Variants in ICA1L observed in about 807,000 individuals in gnomAD.
ICA1L encodes islet cell autoantigen 1-like protein.
In ICA1L, 50 loss-of-function variants were observed where a neutral mutation model predicts 61.3. That is an observed-to-expected ratio of 0.82 (90% CI 0.65 to 1.03). ICA1L has a LOEUF of 1.03. Ranked by LOEUF, ICA1L falls within the 50% of genes least tolerant of loss-of-function variation. The pLI, the probability that ICA1L is intolerant of heterozygous loss-of-function variation, is 0.00. For synonymous variants in ICA1L, 161 were observed against 191.3 expected (o/e 0.84, Z 1.31); for missense variants, 508 against 556.7 (o/e 0.91, Z 0.88).
Position 202,811,767 on chromosome 2 carries a change from C to T in ICA1L, c.889G>A (p.Ala297Thr), listed in dbSNP as rs1429903367. ...LNKLVLSDEE[A>T]SFESEQANKD... Reference sequence around the variant, plus strand: ...TTACCTTGTTCACTCTCAAAGCTTGCTTCCTCATCAGACAAAACTAGCCTG... The same window carrying T: ...TTACCTTGTTCACTCTCAAAGCTTGTTTCCTCATCAGACAAAACTAGCCTG... The change falls in exon 9 of 13, where the codon GCA becomes ACA. Residue 297 changes from alanine (A) to threonine (T), a missense_variant. Physicochemically the swap from Ala to Thr is moderately conservative, Grantham distance 58. Transcript: ENST00000358299. 1.9e-6 allele frequency: 3 copies of T among 1,607,206 alleles called. No individual in the cohort carries two copies. The highest frequency in any genetic ancestry group is 8.5e-7 in the Non-Finnish European group (1 of 1,175,196).
At chr2:202,788,371 GAAGC>G (rs1692649972) in intron 11 of ICA1L, among the ~76,000 whole-genome samples, 2 of 152,154 alleles carry the variant, frequency 1.3e-5, no homozygotes, top group Admixed American at 1.3e-4. Context: ...ATGGATGTGA[GAAGC>G]AAAGTGACCC....
chr2:202,841,308 CT>C, intron 1 of ICA1L: 1 of 757,788 alleles, frequency 1.3e-6, no homozygotes. Context: ...CAGCTTCAGC[CT>C]TTCCAAGCCC....
chr2:202,803,017 G>A (rs2105835788), intron 9 of ICA1L, among the ~76,000 whole-genome samples: 1 of 152,078 alleles, frequency 6.6e-6, no homozygotes, highest in Non-Finnish European at 1.5e-5. Flanking sequence ...AAACAAATGG[G>A]CTAAACTCGC....
chr2:202,832,783 T>C (rs1344371494), intron 1 of ICA1L, among the ~76,000 whole-genome samples: 2 of 151,844 alleles, frequency 1.3e-5, no homozygotes, highest in South Asian at 2.1e-4. Context: ...AGACTGCCTC[T>C]TAAAAAAATA....
chr2:202,813,448 T>C (rs1226902264), intron 8 of ICA1L, among the ~76,000 whole-genome samples: 2 of 152,196 alleles, frequency 1.3e-5, no homozygotes, highest in African/African-American at 2.4e-5. Context: ...TATAAGAGAA[T>C]ACCTGAGACT....
chr2:202,810,065 CAACGAT>C (rs1693331441), intron 9 of ICA1L, among the ~76,000 whole-genome samples: 1 of 152,052 alleles, frequency 6.6e-6, no homozygotes, highest in South Asian at 2.1e-4. Context: ...TCCCAAAGGT[CAACGAT>C]AAAGAAAAGA....
Position 202,773,878 on chromosome 2 carries a change from G to C in ICA1L, c.*5655C>G, listed in dbSNP as rs1403053931. 7.7e-7 allele frequency: 1 copy of C among 1,293,466 alleles called. No individual in the cohort carries two copies. The highest frequency in any genetic ancestry group is 2.3e-5 in the East Asian group (1 of 43,278). 80.1% of individuals were successfully genotyped at this position (1,293,466 alleles called of 1,614,324 possible). A position where few individuals can be genotyped will look rare whatever the true frequency, so the allele number is the denominator to read the frequency against. On this transcript the variant is annotated 3_prime_UTR_variant, in exon 13 of 13. Coordinates refer to ENST00000358299, the MANE Select transcript of ICA1L (RefSeq NM_001288622.3). ...TCTTCTACAGAGGCTGAGTGGAACAGTCCTGCTAAATAAACCAGTGGAATA... is the reference window on the plus strand; with the variant it reads ...TCTTCTACAGAGGCTGAGTGGAACACTCCTGCTAAATAAACCAGTGGAATA...
intron 1 of ICA1L, among the ~76,000 whole-genome samples, chr2:202,853,560 A>G (rs549718237): frequency 1.4e-4 from 21 of 152,206 alleles, no homozygotes; most frequent in South Asian, 8.3e-4. Context: ...CTACCATCAG[A>G]GTGAACAGGC....
At chr2:202,785,539 C>G (rs191248246) in intron 12 of ICA1L, among the ~76,000 whole-genome samples, 152 of 152,270 alleles carry the variant, frequency 1.0e-3, no homozygotes, top group African/African-American at 3.5e-3. Context: ...TCTGCCTCAG[C>G]CTCCCGATTA....
At chr2:202,809,387 C>T (rs184561056) in intron 9 of ICA1L, among the ~76,000 whole-genome samples, 10 of 152,004 alleles carry the variant, frequency 6.6e-5, no homozygotes, top group East Asian at 5.8e-4. Context: ...CAGTACCCCA[C>T]GCCTGTAATC....
At chr2:202,869,076 G>T (rs1025248170) in intron 1 of ICA1L, among the ~76,000 whole-genome samples, 1 of 151,276 alleles carries the variant, frequency 6.6e-6, no homozygotes. Context: ...AATACTGAGT[G>T]AGGCCAGGCG....
At chr2:202,799,633 T>A (rs1011677431) in intron 9 of ICA1L, among the ~76,000 whole-genome samples, 1 of 152,150 alleles carries the variant, frequency 6.6e-6, no homozygotes, top group Admixed American at 6.5e-5. Context: ...GTCCCTTTTA[T>A]CTATTTTTGG....
rs770567260 is a variant in ICA1L at position 202,829,027 on chromosome 2, C to G, written c.-7-11G>C. The G allele has an allele frequency of 6.5e-7, 1 of 1,530,296 alleles. No individual in the cohort carries two copies. Among genetic ancestry groups the G allele is most frequent in the African/African-American group, 1.4e-5 (1 of 71,154 alleles). 94.8% of individuals were successfully genotyped at this position (1,530,296 alleles called of 1,614,324 possible). A position where few individuals can be genotyped will look rare whatever the true frequency, so the allele number is the denominator to read the frequency against. ...GAATCCATGGAGTGACTACAATGAA[C>G]AGACTAAAATTAAACTTCTTTTAAA... On this transcript the variant is annotated splice_polypyrimidine_tract_variant and intron_variant, in intron 1 of 12. Transcript: ENST00000358299.
chr2:202,780,852 C>G (rs745488180), intron 12 of ICA1L, among the ~76,000 whole-genome samples: 1 of 152,120 alleles, frequency 6.6e-6, no homozygotes, highest in African/African-American at 2.4e-5. Flanking sequence ...ATGAGTAATA[C>G]TGGGCAAGTC....
At chr2:202,822,583 G>C (rs1038167334) in intron 3 of ICA1L, among the ~76,000 whole-genome samples, 2 of 152,216 alleles carry the variant, frequency 1.3e-5, no homozygotes, top group Admixed American at 6.5e-5. Flanking sequence ...TCTAGTGTAA[G>C]CTGATCCTGT....
intron 1 of ICA1L, among the ~76,000 whole-genome samples, chr2:202,830,787 A>G (rs1408151744): frequency 6.6e-6 from 1 of 152,224 alleles, no homozygotes; most frequent in African/African-American, 2.4e-5. Flanking sequence ...AGCAAAAGCA[A>G]AAGACCGAGT....
chr2:202,862,530 G>A (rs560007986), intron 1 of ICA1L, among the ~76,000 whole-genome samples: 4 of 152,160 alleles, frequency 2.6e-5, no homozygotes, highest in South Asian at 4.2e-4. Context: ...CAAATATTTG[G>A]AAATAACATA....
At chr2:202,863,881 A>T (rs1481985753) in intron 1 of ICA1L, among the ~76,000 whole-genome samples, 1 of 152,108 alleles carries the variant, frequency 6.6e-6, no homozygotes, top group Non-Finnish European at 1.5e-5. Flanking sequence ...TACAGACATT[A>T]AAAGATTAAG....
At chr2:202,856,919 T>C (rs1694783571) in intron 1 of ICA1L, among the ~76,000 whole-genome samples, 1 of 152,122 alleles carries the variant, frequency 6.6e-6, no homozygotes, top group Admixed American at 6.6e-5. Context: ...GAATACAAGT[T>C]ACAAGGGATG....
Sources: allele counts gnomAD v4.1 joint callset (sites outside exome capture counted in the v4.1 genomes callset), GRCh38; gene constraint gnomAD v4.1.1; transcripts MANE v1.5; gene names NCBI Gene and HGNC (gene_info 2026-07-23, HGNC 2026-07-21).